PDE1C: variants seen among roughly 807,000 people sequenced by gnomAD.
The protein encoded by PDE1C is dual specificity calcium/calmodulin-dependent 3',5'-cyclic nucleotide phosphodiesterase 1C.
A neutral mutation model predicts 93.1 loss-of-function variants in PDE1C; 62 were observed. The observed-to-expected ratio is 0.67, with a 90% confidence interval of 0.54 to 0.82. The LOEUF is 0.82. Ranked by LOEUF, PDE1C falls within the 40% of genes least tolerant of loss-of-function variation. The probability of loss-of-function intolerance (pLI) is 0.00; values close to 1 mark genes in which losing one functional copy is unlikely to be tolerated. For missense variants in PDE1C, 742 were observed against 884.6 expected (o/e 0.84, Z 2.04); for synonymous variants, 325 against 310.1 (o/e 1.05, Z -0.50).
chr7:31,767,115 A>T (rs555908014), intron 17 of PDE1C, among the ~76,000 whole-genome samples: 1 of 152,208 alleles, frequency 6.6e-6, no homozygotes, highest in Non-Finnish European at 1.5e-5. Context: ...ATATTTTTGG[A>T]CTTATTTCTA....
Position 32,099,112 on chromosome 7 carries a change from G to T in PDE1C, c.308+70673C>A, listed in dbSNP as rs1026485126. Among the ~76,000 whole-genome samples, 6 of 152,068 alleles carry T rather than the reference G, an allele frequency of 3.9e-5. No homozygotes were observed. The South Asian group carries it at 1.2e-3, about 32-fold the overall frequency. On this transcript the variant is annotated intron_variant, in intron 3 of 18. Coordinates refer to the PDE1C transcript ENST00000396193. ...CTGAAAATTTGCTATAGCAACAATG[G>T]TTACTCTTGACAATACACAGAAAAG...
At chr7:32,190,305 G>C (rs139637960) in intron 2 of PDE1C, among the ~76,000 whole-genome samples, 7 of 152,288 alleles carry the variant, frequency 4.6e-5, no homozygotes, top group African/African-American at 1.7e-4. Flanking sequence ...CTACAAAACT[G>C]TATGTGTTTA....
intron 16 of PDE1C, among the ~76,000 whole-genome samples, chr7:31,799,407 G>A (rs1162235811): frequency 6.6e-6 from 1 of 151,600 alleles, no homozygotes; most frequent in South Asian, 2.1e-4. Flanking sequence ...TACCACTCAA[G>A]TGTAAAGTTG....
rs17429755 is a variant in PDE1C at position 32,316,863 on chromosome 7, G to A, written c.311-107324C>T. Among the ~76,000 whole-genome samples, 1,409 of 152,288 alleles carry A rather than the reference G, an allele frequency of 9.3e-3. 13 individuals carry two copies. Among genetic ancestry groups the A allele is most frequent in the Non-Finnish European group, 0.012 (784 of 68,026 alleles). ...TGATAAATTCTTGCACATGCATTTG[G>A]AAACCACATTTTTAACACACTGCCT... On this transcript the variant is annotated intron_variant, in intron 1 of 1. Transcript: ENST00000672256.
chr7:32,237,227 T>C (rs969437125), intron 1 of PDE1C, among the ~76,000 whole-genome samples: 1 of 151,652 alleles, frequency 6.6e-6, no homozygotes, highest in Non-Finnish European at 1.5e-5. Flanking sequence ...TCCGGGACTA[T>C]AGGCGCCTAC....
chr7:31,818,454 G>A (rs12538456), intron 14 of PDE1C, among the ~76,000 whole-genome samples: 86,353 of 151,994 alleles, frequency 0.57, 25,629 homozygotes, highest in Non-Finnish European at 0.65. Context: ...TGCCTGGTGC[G>A]TAGCACACAC....
intron 1 of PDE1C, among the ~76,000 whole-genome samples, chr7:32,268,995 G>T (rs184757659): frequency 6.6e-6 from 1 of 152,302 alleles, no homozygotes; most frequent in East Asian, 1.9e-4. Context: ...TCTTTACCAT[G>T]AGACCTGAAA....
chr7:31,968,884 G>T (rs886099560), intron 2 of PDE1C, among the ~76,000 whole-genome samples: 4 of 152,082 alleles, frequency 2.6e-5, no homozygotes, highest in Non-Finnish European at 5.9e-5. Flanking sequence ...ATGGGGAAAG[G>T]ATTCCCTATT....
At chr7:32,204,031 T>A (rs1333387384) in intron 2 of PDE1C, among the ~76,000 whole-genome samples, 2 of 152,210 alleles carry the variant, frequency 1.3e-5, no homozygotes, top group African/African-American at 2.4e-5. Flanking sequence ...CTTGCACTTT[T>A]TACTAAGTGC....
chr7:32,425,447 G>A (rs561312974), intron 1 of PDE1C, among the ~76,000 whole-genome samples: 2 of 152,138 alleles, frequency 1.3e-5, no homozygotes, highest in South Asian at 4.2e-4. Flanking sequence ...ATAAAACTCA[G>A]AATGTAATTT....
chr7:31,844,991 CTTTGTT>C (rs1162776414), intron 9 of PDE1C, among the ~76,000 whole-genome samples: 1 of 152,044 alleles, frequency 6.6e-6, no homozygotes, highest in Non-Finnish European at 1.5e-5. Flanking sequence ...CAGTTCTAAA[CTTTGTT>C]TTTAATTTAT....
chr7:31,872,997 G>A (rs1397690678), intron 6 of PDE1C, among the ~76,000 whole-genome samples: 1 of 152,104 alleles, frequency 6.6e-6, no homozygotes, highest in East Asian at 1.9e-4. Context: ...GAGACCTTTG[G>A]GCAGAGCCTG....
the PDE1C span, among the ~76,000 whole-genome samples, chr7:31,740,709 A>G: frequency 6.6e-6 from 1 of 152,240 alleles, no homozygotes; most frequent in Non-Finnish European, 1.5e-5. Context: ...CATTCTAGCA[A>G]TAAATAATAT....
intron 1 of PDE1C, among the ~76,000 whole-genome samples, chr7:32,395,764 TATTTGTTAGAGATATAATAAA>T (rs775943659): frequency 7.9e-5 from 12 of 152,308 alleles, no homozygotes; most frequent in African/African-American, 1.2e-4. Context: ...CAGACAGAGA[TATTTGTTAGAGATATAATAAA>T]ATTTGTTAGA....
At chr7:31,815,437 CTG>C (rs1396203367) in intron 15 of PDE1C, among the ~76,000 whole-genome samples, 1 of 152,144 alleles carries the variant, frequency 6.6e-6, no homozygotes, top group Non-Finnish European at 1.5e-5. Context: ...ACAGAAAGCT[CTG>C]TGTCTCCCAG....
intron 2 of PDE1C, among the ~76,000 whole-genome samples, chr7:32,202,578 G>T (rs1003930837): frequency 6.6e-6 from 1 of 152,196 alleles, no homozygotes; most frequent in Non-Finnish European, 1.5e-5. Context: ...TGATCGGCTT[G>T]CCTGATAACA....
At chr7:31,731,609 C>A in the PDE1C span, among the ~76,000 whole-genome samples, 1 of 152,184 alleles carries the variant, frequency 6.6e-6, no homozygotes, top group Non-Finnish European at 1.5e-5. Context: ...AGGCTGGTCT[C>A]GAACTCCTGA....
chr7:32,290,827 A>T (rs1013985500), intron 1 of PDE1C, among the ~76,000 whole-genome samples: 3 of 152,224 alleles, frequency 2.0e-5, no homozygotes, highest in African/African-American at 7.2e-5. Context: ...ACCCAAAGAC[A>T]CAAAAGTGAA....
chr7:31,936,243 T>C (rs976515514), intron 2 of PDE1C, among the ~76,000 whole-genome samples: 1 of 152,190 alleles, frequency 6.6e-6, no homozygotes, highest in Admixed American at 6.5e-5. Flanking sequence ...AAACCTATCA[T>C]GTGGGTTGGG....
Sources: allele counts gnomAD v4.1 joint callset (sites outside exome capture counted in the v4.1 genomes callset), GRCh38; gene constraint gnomAD v4.1.1; transcripts MANE v1.5; gene names NCBI Gene and HGNC (gene_info 2026-07-23, HGNC 2026-07-21).